SLC25A29: variants seen among roughly 807,000 people sequenced by gnomAD.
SLC25A29 encodes solute carrier family 25 member 29, also known as mitochondrial basic amino acids transporter.
In SLC25A29, 13 loss-of-function variants were observed where a neutral mutation model predicts 10.0. The ratio of observed to expected loss-of-function variants is 1.30; its 90% CI spans 0.85 to 2.07. The LOEUF (loss-of-function observed/expected upper bound fraction) is 2.07, where lower values mean the gene tolerates loss of function less well. Ranked by LOEUF, SLC25A29 falls within the 30% of genes most tolerant of loss-of-function variation. The pLI is 0.00. For missense variants in SLC25A29, 475 were observed against 447.6 expected (o/e 1.06, Z -0.55); for synonymous variants, 244 against 221.1 (o/e 1.10, Z -0.92).
At chr14:100,296,607 T>C in intron 2 of SLC25A29, 1 of 152,290 alleles carries the variant, frequency 6.6e-6, no homozygotes, top group East Asian at 1.9e-4. Flanking sequence ...TTCCTTCTTT[T>C]TTCTTTTTTG....
rs761413535 is a variant in SLC25A29, at chr14:100,292,445, C to A, written c.750G>T (p.Gly250=). Residue 250 remains glycine, a synonymous_variant, in exon 4 of 4, where the codon GGG becomes GGT. Coordinates refer to ENST00000359232, the MANE Select transcript of SLC25A29 (RefSeq NM_001039355.3). The part of the protein sequence containing the change: ...RAEGWRVFTR[G]LASTLLRAFP... ...AGGCGCGCAGCAGCGTGGACGCCAG[C>A]CCCCGTGTGAAGACGCGCCAGCCCT... is the stretch of plus-strand genomic sequence containing the variant. 6.3e-6 allele frequency: 10 copies of A among 1,579,122 alleles called. No individual in the cohort carries two copies. In the Middle Eastern group the frequency reaches 8.3e-4, roughly 131 times the overall value.
intron 2 of SLC25A29, chr14:100,298,052 G>C (rs534306001): frequency 6.5e-6 from 1 of 153,074 alleles, no homozygotes; most frequent in South Asian, 2.1e-4. Flanking sequence ...AAGGAGACTG[G>C]AAGTCTCCCG....
rs759711350 is a variant in SLC25A29, at chr14:100,292,815, G to A, written c.380C>T (p.Pro127Leu). 4.4e-6 allele frequency: 7 copies of A among 1,591,022 alleles called. No homozygotes were observed. In the African/African-American group the frequency reaches 8.1e-5, roughly 18 times the overall value. Residue 127 changes from proline (P) to leucine (L), a missense_variant, in exon 4 of 4, where the codon CCA becomes CTA. Pro to Leu is a moderately conservative substitution (Grantham distance 98). Coordinates refer to ENST00000359232, the MANE Select transcript of SLC25A29 (RefSeq NM_001039355.3). ...KTRLQLQDAGPARTYKGSLDC... is the reference protein window; with the variant it reads ...KTRLQLQDAGLARTYKGSLDC... ...CAGCGAGCCCTTGTAGGTGCGCGCT[G>A]GGCCCGCGTCCTGCAGCTGCAGCCG...
intron 2 of SLC25A29, chr14:100,295,790 C>A (rs563438439): frequency 1.6e-6 from 2 of 1,289,620 alleles, no homozygotes; most frequent in South Asian, 2.5e-5. Context: ...ACCCACACTC[C>A]CCATCCCATG....
chr14:100,295,946 G>C, intron 2 of SLC25A29: 3 of 1,289,704 alleles, frequency 2.3e-6, no homozygotes, highest in Non-Finnish European at 3.0e-6. Context: ...TGTGGTTCTG[G>C]GCGCTATAGA....
At chr14:100,299,004 T>G in intron 1 of SLC25A29, 119 bp from the exon 2 acceptor site, 1 of 1,507,096 alleles carries the variant, frequency 6.6e-7, no homozygotes, top group Non-Finnish European at 8.9e-7. Context: ...GAAAGGACAT[T>G]GACCAAGCAC....
At position 100,292,164 on chromosome 14, in the gene SLC25A29, C is replaced by T. The variant is rs761133625; in HGVS notation, c.*119G>A. The T allele has an allele frequency of 5.9e-6, 8 of 1,360,350 alleles. No homozygotes were observed. The highest frequency in any genetic ancestry group is 2.6e-5 in the East Asian group (1 of 37,874). 84.3% of individuals were successfully genotyped at this position (1,360,350 alleles called of 1,614,324 possible). On this transcript the variant is annotated 3_prime_UTR_variant, in exon 4 of 4. Coordinates refer to ENST00000359232, the MANE Select transcript of SLC25A29 (RefSeq NM_001039355.3). ...CAGCTGATCAGCAAAATTCAGCCCA[C>T]GTCTGATAGACTCCACAGCTCGCAG...
Position 100,292,803 on chromosome 14 carries a change from T to TA in SLC25A29, c.391dup (p.Tyr131LeufsTer31). The TA allele has an allele frequency of 6.3e-7, 1 of 1,592,980 alleles. No individual in the cohort carries two copies. Among genetic ancestry groups the TA allele is most frequent in the Non-Finnish European group, 8.5e-7 (1 of 1,171,762 alleles). On this transcript the variant is annotated frameshift_variant, in exon 4 of 4. Coordinates refer to ENST00000359232, the MANE Select transcript of SLC25A29 (RefSeq NM_001039355.3). LOFTEE classifies it low-confidence loss of function (END_TRUNC). ...CGCGAGGCAGTCCAGCGAGCCCTTG[T>TA]AGGTGCGCGCTGGGCCCGCGTCCTG...
At chr14:100,285,161 G>A in the SLC25A29 span, among the ~76,000 whole-genome samples, 12 of 152,170 alleles carry the variant, frequency 7.9e-5, no homozygotes, top group African/African-American at 2.9e-4. Context: ...GTCTGTACCG[G>A]ACCCTAGGAA....
chr14:100,306,183 C>T lies in SLC25A29; in HGVS notation c.34+16G>A. The T allele has an allele frequency of 1.4e-6, 2 of 1,479,514 alleles. No individual in the cohort carries two copies. Among genetic ancestry groups the T allele is most frequent in the South Asian group, 1.3e-5 (1 of 77,374 alleles). 91.6% of individuals were successfully genotyped at this position (1,479,514 alleles called of 1,614,324 possible). A position where few individuals can be genotyped will look rare whatever the true frequency, so the allele number is the denominator to read the frequency against. On this transcript the variant is annotated intron_variant, in intron 1 of 3. Coordinates refer to ENST00000359232, the MANE Select transcript of SLC25A29 (RefSeq NM_001039355.3). ...GACGCCTCGCCCCGGCCCGGCCCGG[C>T]CCGCCGCCTCCTTACCCCCCGCGCA...
chr14:100,301,315 C>A (rs1013122052), intron 1 of SLC25A29, among the ~76,000 whole-genome samples: 1 of 151,580 alleles, frequency 6.6e-6, no homozygotes, highest in African/African-American at 2.4e-5. Context: ...ACAGGCCCAC[C>A]CCACCACACC....
At position 100,292,657 on chromosome 14, in the gene SLC25A29, C is replaced by A; in HGVS notation, c.538G>T (p.Gly180Cys). The change falls in exon 4 of 4, where the codon GGC becomes TGC. Residue 180 changes from glycine (G) to cysteine (C), a missense_variant. By Grantham distance (159) the Gly-to-Cys change is radical. Transcript: ENST00000359232. ...AGCAGGCGGTCGCCCGGCTCGCAGC[C>A]CAGCGCCCGCGTGAGAGCGTCATAG... is the stretch of plus-strand genomic sequence containing the variant. ...LTYDALTRAL[G>C]CEPGDRLLVP... 6.3e-7 allele frequency: 1 copy of A among 1,598,218 alleles called. No individual in the cohort carries two copies. The highest frequency in any genetic ancestry group is 8.5e-7 in the Non-Finnish European group (1 of 1,174,212).
the SLC25A29 span, chr14:100,282,680 C>G: frequency 2.0e-5 from 3 of 152,226 alleles, no homozygotes; most frequent in African/African-American, 7.2e-5. Flanking sequence ...CATCCGCATC[C>G]AGCATCAGAT....
intron 1 of SLC25A29, chr14:100,299,727 G>A (rs1892415305): frequency 1.0e-6 from 1 of 985,104 alleles, no homozygotes; most frequent in African/African-American, 1.7e-5. Context: ...AGGAGAAACA[G>A]GCTCAGTGAG....
chr14:100,290,372 G>T (rs1490242598), downstream of SLC25A29, among the ~76,000 whole-genome samples: 1 of 152,220 alleles, frequency 6.6e-6, no homozygotes, highest in Non-Finnish European at 1.5e-5. Context: ...AAAGAGAAGC[G>T]AGAGAGGCCA....
rs540425008 is a variant in SLC25A29 at position 100,302,282 on chromosome 14, G to C, written c.35-3397C>G. Among the ~76,000 whole-genome samples, 5 of 151,824 alleles carry C rather than the reference G, an allele frequency of 3.3e-5. No homozygotes were observed. In the South Asian group the frequency reaches 1.0e-3, roughly 32 times the overall value. ...GCTGGTCTTGAACTCCCGACCTCAAGTGAGCCACCTGCCTCGGCCTCCCAA... is the reference window on the plus strand; with the variant it reads ...GCTGGTCTTGAACTCCCGACCTCAACTGAGCCACCTGCCTCGGCCTCCCAA... On this transcript the variant is annotated intron_variant, in intron 1 of 3. Coordinates refer to ENST00000359232, the MANE Select transcript of SLC25A29 (RefSeq NM_001039355.3).
At chr14:100,287,306 A>G (rs1187725340), downstream of SLC25A29, among the ~76,000 whole-genome samples, 2 of 152,222 alleles carry the variant, frequency 1.3e-5, no homozygotes, top group African/African-American at 2.4e-5. Context: ...GGACTCCCCA[A>G]ACTGCCACTG....
chr14:100,292,259 T>TGG lies in SLC25A29; in HGVS notation c.*22_*23dup. ...GTCCCAGGTTTCTGAGAAGGAGCCCTGGGGAAGGAGGGCGGGGTGAGCGTC... is the reference window on the plus strand; with the variant it reads ...GTCCCAGGTTTCTGAGAAGGAGCCCTGGGGGGAAGGAGGGCGGGGTGAGCGTC... On this transcript the variant is annotated 3_prime_UTR_variant, in exon 4 of 4. Transcript: ENST00000359232. 2 of 1,532,610 alleles carry TGG rather than the reference T, an allele frequency of 1.3e-6. No homozygotes were observed. Among genetic ancestry groups the TGG allele is most frequent in the Non-Finnish European group, 1.8e-6 (2 of 1,140,904 alleles). 94.9% of individuals were successfully genotyped at this position (1,532,610 alleles called of 1,614,324 possible).
At chr14:100,286,490 G>A (rs1332867249), downstream of SLC25A29, among the ~76,000 whole-genome samples, 1 of 121,202 alleles carries the variant, frequency 8.3e-6, no homozygotes, top group Non-Finnish European at 1.8e-5. Context: ...GGTGTTGCTT[G>A]CAGAGGGGCG....
Sources: gnomAD v4.1 joint callset for allele counts (sites outside exome capture counted in the v4.1 genomes callset) on GRCh38, gnomAD v4.1.1 for gene constraint, MANE v1.5 for transcripts, NCBI Gene and HGNC (gene_info 2026-07-23, HGNC 2026-07-21) for gene names.